The following PCDHGB1 variants were observed in gnomAD, a reference collection of about 807,000 sequenced individuals.
PCDHGB1 encodes protocadherin gamma-B1.
Under a neutral mutation model 56.6 loss-of-function variants are expected in PCDHGB1, and 34 were observed. The observed-to-expected ratio is 0.60, with a 90% CI of 0.46 to 0.80. PCDHGB1 has a LOEUF of 0.80. Ranked by LOEUF, PCDHGB1 falls within the 30% of genes least tolerant of loss-of-function variation. The pLI is 0.00. For missense variants in PCDHGB1, 1,278 were observed against 1,204.6 expected, an observed-to-expected ratio of 1.06 and a Z score of -0.90; for synonymous variants, 561 against 505.9, an observed-to-expected ratio of 1.11 and a Z score of -1.46.
chr5:141,394,778 C>A (rs377451053), intron 1 of PCDHGB1: 82 of 1,613,634 alleles, frequency 5.1e-5, no homozygotes, highest in Admixed American at 3.7e-4. Context: ...CCCCTCTCTC[C>A]GCCACTGTCA....
chr5:141,361,214 C>A, intron 1 of PCDHGB1: 1 of 1,613,912 alleles, frequency 6.2e-7, no homozygotes, highest in Non-Finnish European at 8.5e-7. Context: ...CCGGAGGATT[C>A]GCCACCAGGA....
In PCDHGB1 at chr5:141,389,615, G is replaced by A. The variant is rs552257647; in HGVS notation, c.2409+36946G>A. 11 of 1,612,972 alleles carry A rather than the reference G, an allele frequency of 6.8e-6. No individual in the cohort carries two copies. The African/African-American group carries it at 8.0e-5, about 12-fold the overall frequency. On this transcript the variant is annotated intron_variant, in intron 1 of 3. Transcript: ENST00000523390. ...GCTCTGCGCTCTTCGATATGGTGCC[G>A]CACGCTGCAGAGCCTGGCTACTTGG...
intron 1 of PCDHGB1, chr5:141,387,659 G>A: frequency 1.5e-6 from 1 of 650,434 alleles, no homozygotes; most frequent in Non-Finnish European, 2.6e-6. Context: ...GGAGAGCTTG[G>A]CGCTCCAGAT....
At chr5:141,454,993 T>C (rs2098809479) in intron 1 of PCDHGB1, among the ~76,000 whole-genome samples, 1 of 151,290 alleles carries the variant, frequency 6.6e-6, no homozygotes, top group Non-Finnish European at 1.5e-5. Context: ...AAAATATTTT[T>C]AGTAGAGACG....
chr5:141,365,470 T>C, intron 1 of PCDHGB1: 1 of 1,614,034 alleles, frequency 6.2e-7, no homozygotes, highest in South Asian at 1.1e-5. Flanking sequence ...GAGAAAATGG[T>C]GAGATTGCAT....
Position 141,511,225 on chromosome 5 carries a change from C to A in PCDHGB1, c.*52C>A. ...GGCGGCCTCTCCCCAACCAGCCCAG[C>A]TTCTCCTTACCTGCACCCAGGCCTC... On this transcript the variant is annotated 3_prime_UTR_variant, in exon 4 of 4. Transcript: ENST00000523390. The A allele has an allele frequency of 6.2e-7, 1 of 1,601,624 alleles. No individual in the cohort carries two copies. Among genetic ancestry groups the A allele is most frequent in the Non-Finnish European group, 8.5e-7 (1 of 1,174,162 alleles).
intron 1 of PCDHGB1, chr5:141,478,109 T>G: frequency 1.2e-6 from 2 of 1,614,086 alleles, no homozygotes; most frequent in Non-Finnish European, 8.5e-7. Flanking sequence ...CCTCACTGTG[T>G]CAGTAACCGA....
intron 1 of PCDHGB1, chr5:141,385,418 A>C: frequency 6.8e-7 from 1 of 1,466,614 alleles, no homozygotes; most frequent in Non-Finnish European, 9.0e-7. Flanking sequence ...ATAGGGATTT[A>C]AAAAACTTTA....
chr5:141,482,032 C>T (rs1370023352), intron 1 of PCDHGB1, among the ~76,000 whole-genome samples: 1 of 151,018 alleles, frequency 6.6e-6, no homozygotes, highest in African/African-American at 2.4e-5. Flanking sequence ...TTGCAGTGAG[C>T]CAAGATCATG....
intron 1 of PCDHGB1, chr5:141,421,895 GA>G: frequency 6.2e-7 from 1 of 1,613,730 alleles, no homozygotes; most frequent in African/African-American, 1.3e-5. Flanking sequence ...GATCCCATCC[GA>G]AAGGGCGCAG....
At position 141,486,045 on chromosome 5, in the gene PCDHGB1, A is replaced by G. The variant is rs2099623524; in HGVS notation, c.2410-8762A>G. The G allele has an allele frequency of 4.3e-6, 7 of 1,613,428 alleles. No individual in the cohort carries two copies. The highest frequency in any genetic ancestry group is 5.1e-6 in the Non-Finnish European group (6 of 1,179,858). ...GGTCATACCCCTGATCGTGTAAGAA[A>G]CCTCTTTAGCCTGCACCCCACTACT... On this transcript the variant is annotated intron_variant, in intron 1 of 3. Coordinates refer to ENST00000523390, the MANE Select transcript of PCDHGB1 (RefSeq NM_018922.3). This position sits in a 1 kb window ranked among gnomAD's most constrained non-coding sequence, Gnocchi z 5.0.
chr5:141,413,089 C>CTT, intron 1 of PCDHGB1: 1 of 1,401,124 alleles, frequency 7.1e-7, no homozygotes, highest in South Asian at 1.4e-5. Flanking sequence ...TACAGAGACA[C>CTT]CCTGAAGCCA....
At chr5:141,400,392 A>C (rs2094014497) in intron 1 of PCDHGB1, 1 of 1,613,942 alleles carries the variant, frequency 6.2e-7, no homozygotes, top group Admixed American at 1.7e-5. Context: ...TTGCACATAC[A>C]GGAAAGACGG....
chr5:141,408,796 A>G (rs2154540634), intron 1 of PCDHGB1: 1 of 1,612,808 alleles, frequency 6.2e-7, no homozygotes, highest in Non-Finnish European at 8.5e-7. Context: ...CTCTGGAGAA[A>G]CTCCTAGACC....
chr5:141,501,125 C>A (rs2099805699), intron 2 of PCDHGB1, among the ~76,000 whole-genome samples: 1 of 152,140 alleles, frequency 6.6e-6, no homozygotes, highest in South Asian at 2.1e-4. Context: ...CCTCAGCCTC[C>A]CTAAGTGCTG....
chr5:141,389,439 G>A, intron 1 of PCDHGB1: 1 of 1,610,580 alleles, frequency 6.2e-7, no homozygotes. Context: ...GCGCGCCTTC[G>A]ACCACGAGCA....
chr5:141,424,134 A>G (rs1255504512), intron 1 of PCDHGB1: 7 of 444,220 alleles, frequency 1.6e-5, no homozygotes, highest in Non-Finnish European at 2.2e-5. Context: ...TTGATTTAAT[A>G]GCATGCTCCC....
At chr5:141,385,452 G>C in intron 1 of PCDHGB1, 2 of 1,446,532 alleles carry the variant, frequency 1.4e-6, no homozygotes, top group Non-Finnish European at 1.8e-6. Context: ...GAGTTTACCA[G>C]TTTCCTTCAG....
chr5:141,409,690 A>T (rs778962490), intron 1 of PCDHGB1: 1 of 1,613,354 alleles, frequency 6.2e-7, no homozygotes, highest in South Asian at 1.1e-5. Context: ...CGAGTGACCT[A>T]GAGCCCCTGG....
Sources: gnomAD v4.1 joint callset for allele counts (sites outside exome capture counted in the v4.1 genomes callset) on GRCh38, gnomAD v4.1.1 for gene constraint, Gnocchi (gnomAD v3.1) non-coding constraint, MANE v1.5 for transcripts, NCBI Gene and HGNC (gene_info 2026-07-23, HGNC 2026-07-21) for gene names.